RAC1: variants seen among roughly 807,000 people sequenced by gnomAD.
The protein encoded by RAC1 is Rac family small GTPase 1, also known as ras-related C3 botulinum toxin substrate 1.
RAC1 carries 2 observed loss-of-function variants against 25.2 expected under a neutral mutation model. The ratio of observed to expected loss-of-function variants is 0.08; its 90% CI spans 0.03 to 0.25. RAC1 has a LOEUF of 0.25. RAC1 is among the 10% of genes least tolerant of loss of function. RAC1 has a pLI of 1.00. For missense variants in RAC1, 50 were observed against 235.7 expected (o/e 0.21, Z 5.16); for synonymous variants, 88 against 94.0 (o/e 0.94, Z 0.37).
rs556508707 is a variant in RAC1 at position 6,403,283 on chromosome 7, T to G, written c.*837T>G. 3.3e-5 allele frequency: 7 copies of G among 213,444 alleles called. 1 individual carries two copies. Among genetic ancestry groups the G allele is most frequent in the African/African-American group, 1.6e-4 (7 of 44,442 alleles). 13.2% of individuals were successfully genotyped at this position (213,444 alleles called of 1,614,324 possible). A position where few individuals can be genotyped will look rare whatever the true frequency, so the allele number is the denominator to read the frequency against. On this transcript the variant is annotated 3_prime_UTR_variant, in exon 6 of 6. Coordinates refer to ENST00000348035, the MANE Select transcript of RAC1 (RefSeq NM_006908.5). ...ATGCAGTAGATGATGAAAGAAAGGT[T>G]GGTATTATCAGGAAATGTTTTCTTA...
intron 2 of RAC1, among the ~76,000 whole-genome samples, chr7:6,390,269 G>T (rs919428835): frequency 6.6e-6 from 1 of 151,344 alleles, no homozygotes; most frequent in African/African-American, 2.4e-5. Flanking sequence ...CTTCATTATG[G>T]TGTCTTCTGC....
intron 1 of RAC1, among the ~76,000 whole-genome samples, chr7:6,384,243 TC>T (rs1419783350): frequency 1.3e-5 from 2 of 152,108 alleles, no homozygotes; most frequent in Non-Finnish European, 2.9e-5. Context: ...CACTGTCCAG[TC>T]CCCATTCTTG....
At chr7:6,398,467 G>A (rs1338517360) in intron 3 of RAC1, among the ~76,000 whole-genome samples, 1 of 152,204 alleles carries the variant, frequency 6.6e-6, no homozygotes. Context: ...TGAACTTAAC[G>A]CCTGCTTTTG....
chr7:6,390,755 G>C (rs913662496), intron 2 of RAC1, among the ~76,000 whole-genome samples: 5 of 151,860 alleles, frequency 3.3e-5, no homozygotes, highest in Admixed American at 3.3e-4. Context: ...ATTCATTTAG[G>C]ACTTATTTTT....
intron 2 of RAC1, among the ~76,000 whole-genome samples, chr7:6,391,080 T>G (rs562291847): frequency 2.0e-5 from 3 of 152,304 alleles, no homozygotes; most frequent in African/African-American, 4.8e-5. Flanking sequence ...GCATTTTTAG[T>G]AGACACAAAG....
intron 3 of RAC1, among the ~76,000 whole-genome samples, chr7:6,398,068 G>C (rs1783297667): frequency 1.3e-5 from 2 of 152,204 alleles, no homozygotes; most frequent in Non-Finnish European, 2.9e-5. Context: ...GTCAGCAACA[G>C]TGCTGATTTT....
At chr7:6,391,286 T>TCTG (rs1194281386) in intron 2 of RAC1, among the ~76,000 whole-genome samples, 1 of 152,178 alleles carries the variant, frequency 6.6e-6, no homozygotes, top group African/African-American at 2.4e-5. Flanking sequence ...AAGCTTGGTT[T>TCTG]CTGCTGACCA....
chr7:6,401,626 C>T lies in RAC1; in HGVS notation c.289-242C>T, dbSNP rs963320060. 18 of 321,114 alleles carry T rather than the reference C, an allele frequency of 5.6e-5. No individual in the cohort carries two copies. In the Middle Eastern group the frequency reaches 3.4e-3, roughly 60 times the overall value. The allele number at this position is 321,114 out of a possible 1,614,324, so 19.9% of individuals were successfully genotyped here. On this transcript the variant is annotated intron_variant, in intron 4 of 5. Transcript: ENST00000348035. ...CCCCTTCCCCTGCGGTTGTAGAGCC[C>T]GTTCTGTCCGGTCGTGGTTCTGTCC... is the stretch of plus-strand genomic sequence containing the variant.
At position 6,376,176 on chromosome 7, in the gene RAC1, C is replaced by CTTTTTTTTTTTT. The variant is rs747387468; in HGVS notation, c.35+1419_35+1430dup. Among the ~76,000 whole-genome samples the CTTTTTTTTTTTT allele has an allele frequency of 3.4e-4, 22 of 65,516 alleles. 4 individuals carry two copies. Among genetic ancestry groups the CTTTTTTTTTTTT allele is most frequent in the East Asian group, 1.1e-3 (2 of 1,818 alleles). The allele number at this position is 65,516 out of a possible 152,430, so 43.0% of individuals were successfully genotyped here. On this transcript the variant is annotated intron_variant, in intron 1 of 5. Coordinates refer to ENST00000348035, the MANE Select transcript of RAC1 (RefSeq NM_006908.5). The stretch of plus-strand genomic sequence containing the variant: ...TATTAGAGTATGTAGGCTATTCAGG[C>CTTTTTTTTTTTT]TTTTTTTTTTTTTTTTTTTTTTTTG...
At chr7:6,384,117 G>C (rs1286368181) in intron 1 of RAC1, among the ~76,000 whole-genome samples, 2 of 151,896 alleles carry the variant, frequency 1.3e-5, no homozygotes, top group African/African-American at 4.8e-5. Flanking sequence ...TTTTAAAAAG[G>C]TCCCTTAGAG....
chr7:6,402,748 TAA>T lies in RAC1; in HGVS notation c.*303_*304del, dbSNP rs1478352671. On this transcript the variant is annotated 3_prime_UTR_variant, in exon 6 of 6. Coordinates refer to ENST00000348035, the MANE Select transcript of RAC1 (RefSeq NM_006908.5). ...GCGCCCCCCCCATTCTTGTTCAGAT[TAA>T]GAGTTGCCAAAATACCTTCTGAACT... The T allele has an allele frequency of 1.5e-5, 4 of 260,534 alleles. No individual in the cohort carries two copies. Among genetic ancestry groups the T allele is most frequent in the Non-Finnish European group, 2.2e-5 (3 of 135,502 alleles). The allele number at this position is 260,534 out of a possible 1,614,324, so 16.1% of individuals were successfully genotyped here.
chr7:6,389,791 GT>G (rs1362417985), intron 2 of RAC1, among the ~76,000 whole-genome samples: 6 of 152,190 alleles, frequency 3.9e-5, no homozygotes, highest in African/African-American at 1.4e-4. Flanking sequence ...CTCCCGAAGT[GT>G]TGGGATTACA....
At chr7:6,392,099 T>C (rs1426354224) in intron 3 of RAC1, 58 bp downstream of exon 3, 1 of 1,608,070 alleles carries the variant, frequency 6.2e-7, no homozygotes, top group African/African-American at 1.3e-5. Context: ...CTCGAGCGCT[T>C]AATTAGTGCA....
At chr7:6,401,690 C>T in intron 4 of RAC1, 178 bp from the exon 5 acceptor site, 1 of 561,954 alleles carries the variant, frequency 1.8e-6, no homozygotes, top group Non-Finnish European at 3.1e-6. Flanking sequence ...AATGGAACAC[C>T]TGAGATGTTC....
At chr7:6,378,815 C>T (rs370063872) in intron 1 of RAC1, among the ~76,000 whole-genome samples, 57 of 152,124 alleles carry the variant, frequency 3.7e-4, no homozygotes, top group African/African-American at 1.1e-3. Flanking sequence ...CACCCGGGCG[C>T]GATGGCTCAT....
At chr7:6,388,997 T>G (rs1783005118) in intron 2 of RAC1, among the ~76,000 whole-genome samples, 1 of 151,818 alleles carries the variant, frequency 6.6e-6, no homozygotes, top group Admixed American at 6.6e-5. Context: ...GGTCAGGAGT[T>G]CGAGACCAAC....
At chr7:6,390,537 T>C (rs574380376) in intron 2 of RAC1, among the ~76,000 whole-genome samples, 1 of 151,220 alleles carries the variant, frequency 6.6e-6, no homozygotes, top group East Asian at 2.0e-4. Context: ...GAGGTGGAGG[T>C]TGCAGTGAGC....
At chr7:6,388,709 A>G (rs1347146038) in intron 2 of RAC1, among the ~76,000 whole-genome samples, 3 of 152,064 alleles carry the variant, frequency 2.0e-5, no homozygotes, top group African/African-American at 4.8e-5. Context: ...TTCCTTATCT[A>G]CATATGTAGA....
rs1304409388 is a variant in RAC1 at position 6,391,924 on chromosome 7, C to G, written c.108C>G (p.Val36=). 2 of 1,614,092 alleles carry G rather than the reference C, an allele frequency of 1.2e-6. No individual in the cohort carries two copies. The highest frequency in any genetic ancestry group is 1.6e-4 in the Middle Eastern group (1 of 6,062). ...NAFPGEYIPT[V]FDNYSANVMV... The stretch of plus-strand genomic sequence containing the variant: ...TAACCATTTTCATTCCATTCTACAG[C>G]TTTGACAATTATTCTGCCAATGTTA... Residue 36 remains valine, a splice_region_variant and synonymous_variant, in exon 3 of 6, where the codon GTC becomes GTG. Coordinates refer to ENST00000348035, the MANE Select transcript of RAC1 (RefSeq NM_006908.5).
Sources: gnomAD v4.1 joint callset for allele counts (sites outside exome capture counted in the v4.1 genomes callset) on GRCh38, gnomAD v4.1.1 for gene constraint, MANE v1.5 for transcripts, NCBI Gene and HGNC (gene_info 2026-07-23, HGNC 2026-07-21) for gene names.